The following GRAMD1B variants were observed in gnomAD, a reference collection of about 807,000 sequenced individuals.
The protein encoded by GRAMD1B is GRAM domain containing 1B, also known as protein Aster-B.
GRAMD1B carries 37 observed loss-of-function variants against 99.7 expected under a neutral mutation model. That is an observed-to-expected ratio of 0.37 (90% CI 0.29 to 0.49). The LOEUF (loss-of-function observed/expected upper bound fraction) is 0.49, where lower values mean the gene tolerates loss of function less well. Ranked by LOEUF, GRAMD1B falls within the 20% of genes least tolerant of loss-of-function variation. GRAMD1B has a pLI of 0.98. For missense variants in GRAMD1B, 888 were observed against 1,009.2 expected (o/e 0.88, Z 1.63); for synonymous variants, 427 against 387.6 (o/e 1.10, Z -1.19).
intron 7 of GRAMD1B, among the ~76,000 whole-genome samples, chr11:123,600,151 C>T (rs1006570840): frequency 1.3e-5 from 2 of 152,202 alleles, no homozygotes; most frequent in African/African-American, 4.8e-5. Context: ...TAGCTCACCC[C>T]TTACCCAGTT....
At chr11:123,528,886 G>A (rs1469291077) in intron 2 of GRAMD1B, among the ~76,000 whole-genome samples, 1 of 152,162 alleles carries the variant, frequency 6.6e-6, no homozygotes, top group African/African-American at 2.4e-5. Flanking sequence ...CAACTAGTTG[G>A]TGGGGAAGCC....
At chr11:123,524,232 C>T (rs532393495) in intron 2 of GRAMD1B, among the ~76,000 whole-genome samples, 46 of 152,170 alleles carry the variant, frequency 3.0e-4, no homozygotes, top group Admixed American at 9.8e-4. Flanking sequence ...CTCCATGGTG[C>T]TTATCCTCTA....
chr11:123,545,911 C>T (rs1005662484), intron 2 of GRAMD1B, among the ~76,000 whole-genome samples: 2 of 152,202 alleles, frequency 1.3e-5, no homozygotes, highest in African/African-American at 4.8e-5. Context: ...GTTCAGTCTG[C>T]GTGACTTGTT....
rs140731728 is a variant in GRAMD1B, at chr11:123,517,914, G to A, written c.452+37021G>A. On this transcript the variant is annotated intron_variant, in intron 2 of 19. Coordinates refer to ENST00000635736, the MANE Select transcript of GRAMD1B (RefSeq NM_001387025.1). Reference sequence around the variant, plus strand: ...TGTGGGTGTATGGGTGCCCCCTCCCGGAGAGAACCTGAGTTTATAAGCACC... The same window carrying A: ...TGTGGGTGTATGGGTGCCCCCTCCCAGAGAGAACCTGAGTTTATAAGCACC... Among the ~76,000 whole-genome samples, 1,006 of 152,252 alleles carry A rather than the reference G, an allele frequency of 6.6e-3. 11 individuals are homozygous for A. Among genetic ancestry groups the A allele is most frequent in the African/African-American group, 0.022 (893 of 41,530 alleles).
chr11:123,476,761 C>T (rs556334341), intron 1 of GRAMD1B, among the ~76,000 whole-genome samples: 9 of 151,702 alleles, frequency 5.9e-5, no homozygotes, highest in Non-Finnish European at 1.0e-4. Context: ...GAGTGGTAAA[C>T]GGAATTGAAC....
At chr11:123,525,196 C>A (rs781126443) in intron 2 of GRAMD1B, among the ~76,000 whole-genome samples, 1 of 152,234 alleles carries the variant, frequency 6.6e-6, no homozygotes, top group Non-Finnish European at 1.5e-5. Flanking sequence ...CCTCACCCTG[C>A]GTCCCAGAAG....
intron 1 of GRAMD1B, among the ~76,000 whole-genome samples, chr11:123,372,013 ATC>A (rs2135737211): frequency 6.6e-6 from 1 of 152,238 alleles, no homozygotes; most frequent in Admixed American, 6.5e-5. Flanking sequence ...GAAAAAAAAA[ATC>A]TCTGTTGTGT....
At position 123,600,563 on chromosome 11, in the gene GRAMD1B, G is replaced by A. The variant is rs1184439278; in HGVS notation, c.1050+15G>A. 5.1e-6 allele frequency: 8 copies of A among 1,581,820 alleles called. No homozygotes were observed. Among genetic ancestry groups the A allele is most frequent in the Non-Finnish European group, 6.9e-6 (8 of 1,151,822 alleles). On this transcript the variant is annotated intron_variant, in intron 8 of 19. Coordinates refer to ENST00000635736, the MANE Select transcript of GRAMD1B (RefSeq NM_001387025.1). ...TCCTTGAAAAGGTAAGTACGGCCGA[G>A]TTTGCTTTTACTGTGGGACTGGCTA...
intron 1 of GRAMD1B, among the ~76,000 whole-genome samples, chr11:123,470,494 TTTTC>T (rs1565526768): frequency 2.7e-5 from 4 of 146,266 alleles, no homozygotes; most frequent in Non-Finnish European, 4.4e-5. Flanking sequence ...CAACTCACAT[TTTTC>T]TTTCTTTCTT....
chr11:123,536,880 C>A (rs1430457705), intron 2 of GRAMD1B, among the ~76,000 whole-genome samples: 22 of 152,150 alleles, frequency 1.4e-4, no homozygotes, highest in Admixed American at 1.4e-3. Flanking sequence ...ACTTGTTCTA[C>A]ATTTACTGGA....
chr11:123,586,608 A>G lies in GRAMD1B; in HGVS notation c.684+2276A>G, dbSNP rs542737735. On this transcript the variant is annotated intron_variant, in intron 4 of 19. Coordinates refer to ENST00000635736, the MANE Select transcript of GRAMD1B (RefSeq NM_001387025.1). The stretch of plus-strand genomic sequence containing the variant: ...TGCTCATGTCCGTGCTTTCATGTGC[A>G]GATGCCTCCTTAGGAGCTGCAGCTG... Among the ~76,000 whole-genome samples the G allele has an allele frequency of 5.3e-5, 8 of 152,278 alleles. No homozygotes were observed. The East Asian group carries it at 1.5e-3, about 29-fold the overall frequency.
At chr11:123,515,894 T>G (rs1327582848) in intron 2 of GRAMD1B, among the ~76,000 whole-genome samples, 1 of 151,950 alleles carries the variant, frequency 6.6e-6, no homozygotes, top group Non-Finnish European at 1.5e-5. Flanking sequence ...CAGCCTCCCA[T>G]GTAGCTGGGA....
chr11:123,383,998 A>G (rs983948097), intron 1 of GRAMD1B, among the ~76,000 whole-genome samples: 26 of 151,770 alleles, frequency 1.7e-4, no homozygotes, highest in African/African-American at 6.1e-4. Flanking sequence ...AGCCTCCTGA[A>G]TAGTTGGGAT....
intron 1 of GRAMD1B, among the ~76,000 whole-genome samples, chr11:123,449,227 T>G (rs1949772678): frequency 6.6e-6 from 1 of 152,198 alleles, no homozygotes; most frequent in African/African-American, 2.4e-5. Flanking sequence ...CATTGTATCG[T>G]TTATTAGATC....
chr11:123,472,184 T>C (rs951139097), intron 1 of GRAMD1B, among the ~76,000 whole-genome samples: 1 of 149,426 alleles, frequency 6.7e-6, no homozygotes, highest in African/African-American at 2.5e-5. Context: ...GCCAAGATCA[T>C]GCCACTGCAC....
At chr11:123,414,916 T>C (rs1948175468) in intron 1 of GRAMD1B, among the ~76,000 whole-genome samples, 1 of 152,040 alleles carries the variant, frequency 6.6e-6, no homozygotes. Context: ...CCCCACAACA[T>C]TGACTCTCTT....
At chr11:123,419,750 T>A (rs61904753) in intron 1 of GRAMD1B, among the ~76,000 whole-genome samples, 55,208 of 131,932 alleles carry the variant, frequency 0.42, 12,574 homozygotes, top group African/African-American at 0.67. Flanking sequence ...TGTGTGTGAA[T>A]GAGAAAGAGA....
chr11:123,398,941 G>A (rs1400539731), intron 1 of GRAMD1B, among the ~76,000 whole-genome samples: 2 of 151,994 alleles, frequency 1.3e-5, no homozygotes, highest in Non-Finnish European at 2.9e-5. Flanking sequence ...ATGTGATAAG[G>A]AAACAACATA....
intron 2 of GRAMD1B, among the ~76,000 whole-genome samples, chr11:123,528,368 G>T (rs1943010953): frequency 6.6e-6 from 1 of 152,202 alleles, no homozygotes; most frequent in Admixed American, 6.5e-5. Flanking sequence ...ACTCTGGAAT[G>T]CCTACTATGG....
Sources: allele counts gnomAD v4.1 joint callset (sites outside exome capture counted in the v4.1 genomes callset), GRCh38; gene constraint gnomAD v4.1.1; transcripts MANE v1.5; gene names NCBI Gene and HGNC (gene_info 2026-07-23, HGNC 2026-07-21).